MGME1: variants seen among roughly 807,000 people sequenced by gnomAD.
The protein encoded by MGME1 is mitochondrial genome maintenance exonuclease 1, also known as chromosome 20 open reading frame 72.
In MGME1, 22 loss-of-function variants were observed where a neutral mutation model predicts 33.0. The observed-to-expected ratio is 0.67, with a 90% CI of 0.48 to 0.95. The LOEUF (loss-of-function observed/expected upper bound fraction) is 0.95. MGME1 is among the 40% of genes least tolerant of loss of function. MGME1 has a pLI of 0.00. For synonymous variants in MGME1, 133 were observed against 144.0 expected, an observed-to-expected ratio of 0.92 and a Z score of 0.55; for missense variants, 383 against 397.8, an observed-to-expected ratio of 0.96 and a Z score of 0.32.
intron 3 of MGME1, among the ~76,000 whole-genome samples, chr20:17,977,393 G>A (rs1438325052): frequency 6.6e-6 from 1 of 151,190 alleles, no homozygotes; most frequent in East Asian, 1.9e-4. Flanking sequence ...AAAAATAAAA[G>A]AAAGAAAAGA....
chr20:17,978,953 T>C (rs1424295586), intron 3 of MGME1, among the ~76,000 whole-genome samples: 5 of 151,872 alleles, frequency 3.3e-5, no homozygotes, highest in Non-Finnish European at 7.4e-5. Context: ...ATTTTTTGTG[T>C]TTTTAGTAGA....
chr20:17,979,371 C>T (rs865789983), intron 3 of MGME1, among the ~76,000 whole-genome samples: 9 of 151,722 alleles, frequency 5.9e-5, no homozygotes, highest in African/African-American at 2.2e-4. Flanking sequence ...TGAGGCACCG[C>T]GCCCAGCTAA....
At chr20:17,986,546 G>T (rs1220030273) in intron 3 of MGME1, among the ~76,000 whole-genome samples, 1 of 151,496 alleles carries the variant, frequency 6.6e-6, no homozygotes, top group Non-Finnish European at 1.5e-5. Flanking sequence ...TTTTTATAGA[G>T]ACAGGGTTTC....
At position 17,987,809 on chromosome 20, in the gene MGME1, C is replaced by T. The variant is rs2036190955; in HGVS notation, c.732-357C>T. Among the ~76,000 whole-genome samples the T allele has an allele frequency of 2.0e-5, 3 of 152,248 alleles. No individual in the cohort carries two copies. In the South Asian group the frequency reaches 6.2e-4, roughly 32 times the overall value. Reference sequence around the variant, plus strand: ...GAGTCACCAGTTACTGGTCCACTCTCTGTATCCTTTTGATATTTGCATTTG... The same window carrying T: ...GAGTCACCAGTTACTGGTCCACTCTTTGTATCCTTTTGATATTTGCATTTG... On this transcript the variant is annotated intron_variant, in intron 3 of 4. Transcript: ENST00000377710.
chr20:17,977,147 G>A (rs1265184970), intron 3 of MGME1, among the ~76,000 whole-genome samples: 1 of 151,922 alleles, frequency 6.6e-6, no homozygotes, highest in African/African-American at 2.4e-5. Flanking sequence ...AGGCCGAGGT[G>A]GGCAGATCAC....
chr20:17,980,791 A>G lies in MGME1; in HGVS notation c.731+4888A>G, dbSNP rs1396800854. Among the ~76,000 whole-genome samples, 4 of 150,300 alleles carry G rather than the reference A, an allele frequency of 2.7e-5. No homozygotes were observed. In the East Asian group the frequency reaches 6.0e-4, roughly 22 times the overall value. ...GCCACTGCACTCTAGCATGGGTGAC[A>G]GAGTGAGACTCCATCTCAAAAAAAA... On this transcript the variant is annotated intron_variant, in intron 3 of 4. Coordinates refer to ENST00000377710, the MANE Select transcript of MGME1 (RefSeq NM_052865.4).
chr20:17,988,122 T>C (rs752604364), intron 3 of MGME1, 44 bp from the exon 4 acceptor site: 2 of 1,567,982 alleles, frequency 1.3e-6, no homozygotes, highest in Non-Finnish European at 1.7e-6. Context: ...GAGATTTTCA[T>C]TGTGATCTAT....
rs200952627 is a variant in MGME1 at position 17,969,915 on chromosome 20, C to G, written c.56C>G (p.Ser19Cys). 5.0e-6 allele frequency: 8 copies of G among 1,613,502 alleles called. No individual in the cohort carries two copies. Among genetic ancestry groups the G allele is most frequent in the Non-Finnish European group, 6.8e-6 (8 of 1,179,848 alleles). The change falls in exon 2 of 5, where the codon TCT (serine) becomes TGT (cysteine). Residue 19 changes from serine (S) to cysteine (C), a missense_variant. By Grantham distance (112) the Ser-to-Cys change is moderately radical. Transcript: ENST00000377710. ...AGGCAGCTCAGGAGTTCAAAGTTTTCTGTGGAATCAGCTGCCCTTGTGGCT... is the reference window on the plus strand; with the variant it reads ...AGGCAGCTCAGGAGTTCAAAGTTTTGTGTGGAATCAGCTGCCCTTGTGGCT... ...ICRQLRSSKF[S>C]VESAALVAFS...
At chr20:17,976,015 T>A in intron 3 of MGME1, 112 bp downstream of exon 3, 1 of 859,512 alleles carries the variant, frequency 1.2e-6, no homozygotes, top group Non-Finnish European at 1.9e-6. Flanking sequence ...ACCTTTGTGC[T>A]AGGTAAAAGA....
chr20:17,974,456 A>C (rs1323276729), intron 2 of MGME1, among the ~76,000 whole-genome samples: 1 of 152,182 alleles, frequency 6.6e-6, no homozygotes, highest in African/African-American at 2.4e-5. Flanking sequence ...GAGAGTTCAA[A>C]AATCAAGTTA....
chr20:17,970,362 A>T lies in MGME1; in HGVS notation c.503A>T (p.Tyr168Phe). The change falls in exon 2 of 5, where the codon TAC becomes TTC. Residue 168 changes from tyrosine to phenylalanine, a missense_variant. Transcript: ENST00000377710. The part of the protein sequence containing the change: ...LELGEDGFKE[Y>F]TSNVFLQGKR... ...CTGGGAGAAGATGGCTTTAAAGAAT[A>T]CACTTCAAGTAATTATCTCAATTCT... The T allele has an allele frequency of 6.2e-7, 1 of 1,608,908 alleles. No homozygotes were observed. The highest frequency in any genetic ancestry group is 8.5e-7 in the Non-Finnish European group (1 of 1,178,092).
At chr20:17,974,386 G>A (rs538633404) in intron 2 of MGME1, among the ~76,000 whole-genome samples, 204 of 152,108 alleles carry the variant, frequency 1.3e-3, no homozygotes, top group African/African-American at 4.6e-3. Flanking sequence ...TTTAAAATGT[G>A]TATGAGGAGG....
intron 3 of MGME1, among the ~76,000 whole-genome samples, chr20:17,982,107 C>T (rs2036037624): frequency 6.6e-6 from 1 of 152,186 alleles, no homozygotes; most frequent in Admixed American, 6.6e-5. Flanking sequence ...CTGTTCTAGG[C>T]AGATGCACAG....
chr20:17,978,933 C>T (rs1238438945), intron 3 of MGME1, among the ~76,000 whole-genome samples: 2 of 151,874 alleles, frequency 1.3e-5, no homozygotes, highest in Non-Finnish European at 2.9e-5. Context: ...CCCACCACCA[C>T]GCCTGGCTAA....
chr20:17,977,389 A>G (rs901916858), intron 3 of MGME1, among the ~76,000 whole-genome samples: 1 of 151,714 alleles, frequency 6.6e-6, no homozygotes, highest in Non-Finnish European at 1.5e-5. Context: ...AAAAAAAAAT[A>G]AAAGAAAGAA....
chr20:17,989,840 G>T, intron 4 of MGME1, 99 bp from the exon 5 acceptor site: 4 of 1,100,650 alleles, frequency 3.6e-6, no homozygotes, highest in Admixed American at 2.2e-5. Context: ...ATATCCTGTA[G>T]ATTATTTTAT....
At chr20:17,989,623 A>G (rs902126910) in intron 4 of MGME1, among the ~76,000 whole-genome samples, 30 of 151,710 alleles carry the variant, frequency 2.0e-4, no homozygotes, top group Admixed American at 1.1e-3. Flanking sequence ...AGATTGTGCC[A>G]CTGCACTCCA....
chr20:17,977,267 T>C (rs981675649), intron 3 of MGME1, among the ~76,000 whole-genome samples: 8 of 151,528 alleles, frequency 5.3e-5, no homozygotes, highest in Non-Finnish European at 1.2e-4. Context: ...TCCCAGCTAC[T>C]CGGGAGTCTG....
intron 3 of MGME1, among the ~76,000 whole-genome samples, chr20:17,980,650 A>G (rs2035989489): frequency 6.6e-6 from 1 of 152,024 alleles, no homozygotes; most frequent in Admixed American, 6.6e-5. Context: ...TCTACTAAAA[A>G]TACAAAAAGT....
Sources: allele counts gnomAD v4.1 joint callset (sites outside exome capture counted in the v4.1 genomes callset), GRCh38; gene constraint gnomAD v4.1.1; transcripts MANE v1.5; gene names NCBI Gene and HGNC (gene_info 2026-07-23, HGNC 2026-07-21).